The following TBCD variants were observed in gnomAD, a reference collection of about 807,000 sequenced individuals.
The protein encoded by TBCD is tubulin folding cofactor D.
TBCD carries 105 observed loss-of-function variants against 169.3 expected under a neutral mutation model. That is an observed-to-expected ratio of 0.62 (90% CI 0.53 to 0.73). The LOEUF is 0.73. Ranked by LOEUF, TBCD falls within the 30% of genes least tolerant of loss-of-function variation. The pLI, the probability that TBCD is intolerant of heterozygous loss-of-function variation, is 0.00. For synonymous variants in TBCD, 700 were observed against 643.9 expected, an observed-to-expected ratio of 1.09 and a Z score of -1.32; for missense variants, 1,444 against 1,600.1, an observed-to-expected ratio of 0.90 and a Z score of 1.66.
rs1568079539 is a variant in TBCD, at chr17:82,930,605, C to T, written c.3075C>T (p.Thr1025=). The T allele has an allele frequency of 1.2e-6, 2 of 1,613,960 alleles. No individual in the cohort carries two copies. The highest frequency in any genetic ancestry group is 8.5e-7 in the Non-Finnish European group (1 of 1,179,886). The change falls in exon 33 of 39, where the codon ACC becomes ACT. Residue 1025 remains threonine, a synonymous_variant. Transcript: ENST00000355528. This position sits in a 1 kb window ranked among gnomAD's most constrained non-coding sequence, Gnocchi z 5.2. ...AGGCCCTGGGCAGCTTCAGCGGGAC[C>T]CTTCTGCAGATCTTTGAGGACAACC... The part of the protein sequence containing the change: ...DPQALGSFSG[T]LLQIFEDNLL...
chr17:82,862,130 G>A (rs8082007), intron 13 of TBCD, among the ~76,000 whole-genome samples: 79,157 of 151,710 alleles, frequency 0.52, 21,442 homozygotes, highest in East Asian at 0.71. Flanking sequence ...CACCGTGTTA[G>A]CCAGGATGGT....
intron 5 of TBCD, among the ~76,000 whole-genome samples, 155 bp from the exon 6 acceptor site, chr17:82,772,297 T>G (rs544959118): frequency 2.0e-5 from 3 of 151,052 alleles, no homozygotes; most frequent in African/African-American, 4.9e-5. Flanking sequence ...TGAAGAGAGG[T>G]TTTTTTTTGC....
Position 82,833,565 on chromosome 17 carries a change from A to T in TBCD, c.1318+18631A>T, listed in dbSNP as rs2053699148. On this transcript the variant is annotated intron_variant, in intron 13 of 38. Coordinates refer to ENST00000355528, the MANE Select transcript of TBCD (RefSeq NM_005993.5). The surrounding 1 kb of genome is among the most constrained non-coding windows in gnomAD (Gnocchi z 4.7). The stretch of plus-strand genomic sequence containing the variant: ...TGTACATCCTGTGAGTGACAGCAGC[A>T]TTGTGAGACATGCTTTCACGGTCAC... 6.6e-6 allele frequency among the ~76,000 whole-genome samples: 1 copy of T among 152,052 alleles called. No individual in the cohort carries two copies. Among genetic ancestry groups the T allele is most frequent in the Admixed American group, 6.5e-5 (1 of 15,270 alleles).
At chr17:82,860,343 C>T (rs1001251400) in intron 13 of TBCD, 20 of 982,940 alleles carry the variant, frequency 2.0e-5, no homozygotes, top group East Asian at 1.1e-4. Flanking sequence ...GGTGGCCTTT[C>T]GCAGTGGTGG....
At chr17:82,851,226 AT>A in intron 13 of TBCD, among the ~76,000 whole-genome samples, 1 of 150,178 alleles carries the variant, frequency 6.7e-6, no homozygotes, top group South Asian at 2.1e-4. Flanking sequence ...AGATATACAA[AT>A]GTGTAAATCA....
chr17:82,823,434 T>A (rs969559365), intron 13 of TBCD, among the ~76,000 whole-genome samples: 26 of 152,236 alleles, frequency 1.7e-4, no homozygotes, highest in African/African-American at 6.3e-4. Context: ...TGAGACATCT[T>A]TGACTTTGTA....
chr17:82,940,298 C>G (rs1399329210), intron 37 of TBCD, among the ~76,000 whole-genome samples: 1 of 152,028 alleles, frequency 6.6e-6, no homozygotes, highest in Non-Finnish European at 1.5e-5. Context: ...AGGACTGAAG[C>G]AACCAGAGGC....
At chr17:82,894,831 G>A (rs567824459) in intron 17 of TBCD, among the ~76,000 whole-genome samples, 44 of 152,282 alleles carry the variant, frequency 2.9e-4, no homozygotes, top group African/African-American at 1.0e-3. Context: ...ACAAAAATTA[G>A]CCAGGCGTGG....
chr17:82,862,297 A>G (rs933166174), intron 13 of TBCD, among the ~76,000 whole-genome samples: 1 of 151,818 alleles, frequency 6.6e-6, no homozygotes. Context: ...ATTTTTATGC[A>G]GGGGGGCTGC....
intron 2 of TBCD, among the ~76,000 whole-genome samples, chr17:82,757,053 A>G (rs1184051093): frequency 6.6e-6 from 1 of 152,118 alleles, no homozygotes; most frequent in Non-Finnish European, 1.5e-5. Context: ...TTTTCTACCT[A>G]CAAATGTGAC....
In TBCD at chr17:82,903,841, A is replaced by G. The variant is rs1439946640; in HGVS notation, c.1804+363A>G. On this transcript the variant is annotated intron_variant, in intron 19 of 38. Transcript: ENST00000355528. This position sits in a 1 kb window ranked among gnomAD's most constrained non-coding sequence, Gnocchi z 4.8. ...TGCCACACGACACTCCCTGGTCTCT[A>G]GGTGGCTCGCACCTGCCACACGACA... 2.6e-4 allele frequency among the ~76,000 whole-genome samples: 10 copies of G among 38,254 alleles called. No homozygotes were observed. Among genetic ancestry groups the G allele is most frequent in the Admixed American group, 4.9e-4 (2 of 4,084 alleles). The allele number at this position is 38,254 out of a possible 152,430, so 25.1% of individuals were successfully genotyped here.
At chr17:82,811,064 G>A (rs762912492) in intron 12 of TBCD, among the ~76,000 whole-genome samples, 25 of 152,236 alleles carry the variant, frequency 1.6e-4, no homozygotes, top group Non-Finnish European at 2.8e-4. Context: ...CTTGATGGGA[G>A]GCAGGGGTTG....
At chr17:82,868,969 C>T (rs891425385) in intron 13 of TBCD, among the ~76,000 whole-genome samples, 1 of 150,918 alleles carries the variant, frequency 6.6e-6, no homozygotes, top group Non-Finnish European at 1.5e-5. Flanking sequence ...TGTGCAGAGC[C>T]CCGAACGAGA....
In TBCD at chr17:82,926,415, A is replaced by C; in HGVS notation, c.2395A>C (p.Arg799=). The C allele has an allele frequency of 6.2e-7, 1 of 1,614,000 alleles. No individual in the cohort carries two copies. Among genetic ancestry groups the C allele is most frequent in the Non-Finnish European group, 8.5e-7 (1 of 1,179,874 alleles). The change falls in exon 28 of 39, where the codon AGA becomes CGA. Residue 799 remains arginine (R), a synonymous_variant. Transcript: ENST00000355528. ...GRLQQVLTGL[R]AVTHTSPEDV... is the part of the protein sequence containing the mutation. ...TGCTTTCCAGGTTCTCACAGGTTTA[A>C]GAGCAGTTACCCACACTTCCCCCGA...
chr17:82,783,004 G>A (rs553146796), intron 7 of TBCD, among the ~76,000 whole-genome samples: 70 of 152,144 alleles, frequency 4.6e-4, no homozygotes, highest in African/African-American at 1.4e-3. Flanking sequence ...CCGCGGCGTC[G>A]TCTTCCTGTC....
intron 8 of TBCD, among the ~76,000 whole-genome samples, chr17:82,800,370 G>A (rs146356110): frequency 4.7e-4 from 71 of 152,182 alleles, no homozygotes; most frequent in South Asian, 3.1e-3. Context: ...GCATGACACC[G>A]AGTGATTCCC....
At chr17:82,839,321 A>C (rs538872636) in intron 13 of TBCD, among the ~76,000 whole-genome samples, 1 of 152,108 alleles carries the variant, frequency 6.6e-6, no homozygotes, top group Non-Finnish European at 1.5e-5. Context: ...TATAACCCTA[A>C]ATTCAGCCTA....
intron 13 of TBCD, among the ~76,000 whole-genome samples, chr17:82,825,031 T>C (rs1309135081): frequency 2.0e-5 from 3 of 152,190 alleles, no homozygotes; most frequent in African/African-American, 7.2e-5. Flanking sequence ...ATGGGTGAGC[T>C]ATTGCAGATG....
At chr17:82,820,557 C>T (rs1157414054) in intron 13 of TBCD, among the ~76,000 whole-genome samples, 1 of 152,066 alleles carries the variant, frequency 6.6e-6, no homozygotes, top group Non-Finnish European at 1.5e-5. Context: ...GGTATTTTTG[C>T]TGCCCCTCTC....
Sources: allele counts gnomAD v4.1 joint callset (sites outside exome capture counted in the v4.1 genomes callset), GRCh38; gene constraint gnomAD v4.1.1; non-coding constraint Gnocchi (gnomAD v3.1); transcripts MANE v1.5; gene names NCBI Gene and HGNC (gene_info 2026-07-23, HGNC 2026-07-21).